PIGV: variants seen among roughly 807,000 people sequenced by gnomAD.
PIGV encodes the protein phosphatidylinositol glycan anchor biosynthesis class V, also known as GPI alpha-1,6-mannosyltransferase 2.
In PIGV, 27 loss-of-function variants were observed where a neutral mutation model predicts 39.2. The ratio of observed to expected loss-of-function variants is 0.69; its 90% CI spans 0.51 to 0.95. The LOEUF is 0.95. PIGV is among the 40% of genes least tolerant of loss of function. The probability of loss-of-function intolerance (pLI) is 0.00; values close to 1 mark genes in which losing one functional copy is unlikely to be tolerated. For missense variants in PIGV, 523 were observed against 586.4 expected (o/e 0.89, Z 1.12); for synonymous variants, 232 against 241.7 (o/e 0.96, Z 0.37).
At chr1:26,787,078 G>A (rs759554155), upstream of PIGV, among the ~76,000 whole-genome samples, 2 of 152,152 alleles carry the variant, frequency 1.3e-5, no homozygotes, top group Non-Finnish European at 2.9e-5. Flanking sequence ...CCGGCCCCTG[G>A]CTTCGTTTGG....
chr1:26,796,057 A>G (rs996730761), intron 3 of PIGV, among the ~76,000 whole-genome samples: 1 of 150,750 alleles, frequency 6.6e-6, no homozygotes, highest in African/African-American at 2.4e-5. Context: ...ATGGGGTTTC[A>G]CCACGTTGGC....
intron 3 of PIGV, among the ~76,000 whole-genome samples, chr1:26,797,177 A>G (rs967612640): frequency 1.7e-4 from 26 of 152,130 alleles, no homozygotes; most frequent in African/African-American, 6.3e-4. Flanking sequence ...TCTTCTGCCC[A>G]TTTCCCTCTG....
At chr1:26,790,719 T>C in intron 1 of PIGV, 40 bp from the exon 2 acceptor site, 1 of 968,108 alleles carries the variant, frequency 1.0e-6, no homozygotes, top group Non-Finnish European at 1.7e-6. Context: ...AAGAATTTGC[T>C]TTCACTCGAT....
chr1:26,797,206 T>C (rs1309994065), intron 3 of PIGV, among the ~76,000 whole-genome samples: 4 of 152,202 alleles, frequency 2.6e-5, no homozygotes, highest in African/African-American at 9.6e-5. Context: ...TCCCATGGGA[T>C]AAGGGAACCA....
At position 26,790,855 on chromosome 1, in the gene PIGV, T is replaced by C. The variant is rs1029026239; in HGVS notation, c.40T>C (p.Phe14Leu). The C allele has an allele frequency of 2.5e-6, 4 of 1,613,972 alleles. No homozygotes were observed. Among genetic ancestry groups the C allele is most frequent in the Non-Finnish European group, 3.4e-6 (4 of 1,179,998 alleles). The change falls in exon 2 of 4, where the codon TTT becomes CTT. Residue 14 changes from phenylalanine to leucine, a missense_variant. Transcript: ENST00000674202. ...CCCATCCCGGAAGGAGGTGCTGAGG[T>C]TTGCAGTCAGCTGCCGTATCCTGAC... Reference protein sequence around the residue: ...QDPSRKEVLRFAVSCRILTLM... With the variant: ...QDPSRKEVLRLAVSCRILTLM...
At chr1:26,792,129 G>A (rs765497285) in intron 2 of PIGV, among the ~76,000 whole-genome samples, 7 of 152,106 alleles carry the variant, frequency 4.6e-5, no homozygotes, top group African/African-American at 1.7e-4. Flanking sequence ...TTTCTCTTAA[G>A]TAGCTGATGA....
Position 26,794,267 on chromosome 1 carries a change from G to C in PIGV, c.233G>C (p.Gly78Ala). Reference protein sequence around the residue: ...AEHFLFIAEHGYLYEHNFAFF... With the variant: ...AEHFLFIAEHAYLYEHNFAFF... ...CACTTCTTGTTCATTGCTGAGCATGGCTACCTGTATGAGCACAACTTTGCC... is the reference window on the plus strand; with the variant it reads ...CACTTCTTGTTCATTGCTGAGCATGCCTACCTGTATGAGCACAACTTTGCC... Residue 78 changes from glycine (G) to alanine (A), a missense_variant, in exon 3 of 4, where the codon GGC (glycine) becomes GCC (alanine). Physicochemically the swap from Gly to Ala is moderately conservative, Grantham distance 60. Coordinates refer to ENST00000674202, the MANE Select transcript of PIGV (RefSeq NM_017837.4). 6.2e-7 allele frequency: 1 copy of C among 1,614,210 alleles called. No individual in the cohort carries two copies. Among genetic ancestry groups the C allele is most frequent in the Non-Finnish European group, 8.5e-7 (1 of 1,180,046 alleles).
chr1:26,793,811 G>A (rs1313691136), intron 2 of PIGV, among the ~76,000 whole-genome samples: 1 of 152,038 alleles, frequency 6.6e-6, no homozygotes, highest in Non-Finnish European at 1.5e-5. Flanking sequence ...GTCTTGCTAC[G>A]TTGCCCAGGC....
chr1:26,794,769 G>A lies in PIGV; in HGVS notation c.735G>A (p.Val245=), dbSNP rs762221948. 48 of 1,614,022 alleles carry A rather than the reference G, an allele frequency of 3.0e-5. 1 individual carries two copies. The Middle Eastern group carries it at 2.8e-3, about 94-fold the overall frequency. Residue 245 remains valine (V), a synonymous_variant, in exon 3 of 4, where the codon GTG becomes GTA. Transcript: ENST00000674202. ...TGATGGCCTCTCTGTTTCTGTCGGT[G>A]TTCACACTTGGCCTTCCCTTTGCCC... The part of the protein sequence containing the change: ...FKLMASLFLS[V]FTLGLPFALF...
rs1193245812 is a variant in PIGV at position 26,797,935 on chromosome 1, A to C, written c.*91A>C. 5 of 1,050,682 alleles carry C rather than the reference A, an allele frequency of 4.8e-6. No individual in the cohort carries two copies. In the East Asian group the frequency reaches 1.2e-4, roughly 25 times the overall value. 65.1% of individuals were successfully genotyped at this position (1,050,682 alleles called of 1,614,324 possible). On this transcript the variant is annotated 3_prime_UTR_variant, in exon 4 of 4. Coordinates refer to ENST00000674202, the MANE Select transcript of PIGV (RefSeq NM_017837.4). ...TTGGAACTGCCTCTGCTGCCCTGGG[A>C]TCATTACTGTGTCCATTATAATCTT...
chr1:26,795,016 T>A lies in PIGV; in HGVS notation c.982T>A (p.Phe328Ile). The A allele has an allele frequency of 3.7e-6, 6 of 1,614,182 alleles. No homozygotes were observed. Among genetic ancestry groups the A allele is most frequent in the Non-Finnish European group, 4.2e-6 (5 of 1,180,032 alleles). ...CTATGAGCTCAAGCAGGTGCCCAAT[T>A]TTCTACTGGCTGCACCAGTGGCTAT... ...KYYELKQVPN[F>I]LLAAPVAILV... Residue 328 changes from phenylalanine (F) to isoleucine (I), a missense_variant, in exon 3 of 4, where the codon TTT (phenylalanine) becomes ATT (isoleucine). Phe to Ile is a conservative substitution (Grantham distance 21). Coordinates refer to ENST00000674202, the MANE Select transcript of PIGV (RefSeq NM_017837.4).
At chr1:26,793,908 C>A (rs1372683522) in intron 2 of PIGV, among the ~76,000 whole-genome samples, 1 of 148,510 alleles carries the variant, frequency 6.7e-6, no homozygotes, top group Non-Finnish European at 1.5e-5. Context: ...TGTGCTCAGA[C>A]TTTTTTTTTT....
rs1343172835 is a variant in PIGV at position 26,795,134 on chromosome 1, T to C, written c.1100T>C (p.Leu367Pro). 4 of 1,614,104 alleles carry C rather than the reference T, an allele frequency of 2.5e-6. No individual in the cohort carries two copies. In the South Asian group the frequency reaches 3.3e-5, roughly 13 times the overall value. ...GLQRSKNNKT[L>P]EKPDLGFLSP... ...CAAAGGAGCAAGAACAATAAGACCC[T>C]AGAGAAGCCCGATCTTGGATTCCTC... is the stretch of plus-strand genomic sequence containing the variant. The change falls in exon 3 of 4, where the codon CTA becomes CCA. Residue 367 changes from leucine (L) to proline (P), a missense_variant. Leu to Pro is a moderately conservative substitution (Grantham distance 98). Coordinates refer to ENST00000674202, the MANE Select transcript of PIGV (RefSeq NM_017837.4).
Position 26,794,257 on chromosome 1 carries a change from G to A in PIGV, c.223G>A (p.Ala75Thr), listed in dbSNP as rs760514806. Reference protein sequence around the residue: ...HWDAEHFLFIAEHGYLYEHNF... With the variant: ...HWDAEHFLFITEHGYLYEHNF... ...GGATGCTGAACACTTCTTGTTCATT[G>A]CTGAGCATGGCTACCTGTATGAGCA... is the stretch of plus-strand genomic sequence containing the variant. The change falls in exon 3 of 4, where the codon GCT becomes ACT. Residue 75 changes from alanine (A) to threonine (T), a missense_variant. Physicochemically the swap from Ala to Thr is moderately conservative, Grantham distance 58 (BLOSUM62 0). Transcript: ENST00000674202. 3.3e-5 allele frequency: 53 copies of A among 1,614,078 alleles called. No homozygotes were observed. Among genetic ancestry groups the A allele is most frequent in the Non-Finnish European group, 4.2e-5 (50 of 1,180,044 alleles).
rs755907769 is a variant in PIGV, at chr1:26,797,958, C to A, written c.*114C>A. 8.1e-5 allele frequency: 74 copies of A among 917,952 alleles called. No homozygotes were observed. The highest frequency in any genetic ancestry group is 5.8e-4 in the Middle Eastern group (2 of 3,466). 56.9% of individuals were successfully genotyped at this position (917,952 alleles called of 1,614,324 possible). A position where few individuals can be genotyped will look rare whatever the true frequency, so the allele number is the denominator to read the frequency against. On this transcript the variant is annotated 3_prime_UTR_variant, in exon 4 of 4. Transcript: ENST00000674202. Reference sequence around the variant, plus strand: ...GGATCATTACTGTGTCCATTATAATCTTTCTCTTTCTCTTTGAAAGCTGGT... The same window carrying A: ...GGATCATTACTGTGTCCATTATAATATTTCTCTTTCTCTTTGAAAGCTGGT...
chr1:26,797,816 T>C lies in PIGV; in HGVS notation c.1454T>C (p.Leu485Pro). 1.9e-6 allele frequency: 3 copies of C among 1,614,134 alleles called. No homozygotes were observed. The highest frequency in any genetic ancestry group is 2.5e-6 in the Non-Finnish European group (3 of 1,180,028). Residue 485 changes from leucine to proline, a missense_variant, in exon 4 of 4, where the codon CTA becomes CCA. Transcript: ENST00000674202. Reference protein sequence around the residue: ...FLTYWLLGLLLHCNFLPWT With the variant: ...FLTYWLLGLLPHCNFLPWT ...ACTTACTGGCTCCTGGGACTACTCC[T>C]ACATTGCAACTTCCTGCCTTGGACA...
rs747001986 is a variant in PIGV, at chr1:26,794,707, C to G, written c.673C>G (p.Leu225Val). Reference protein sequence around the residue: ...HSQCQGFFSSLTMLNPLRQLF... With the variant: ...HSQCQGFFSSVTMLNPLRQLF... ...TCAATGCCAAGGCTTTTTCTCTTCT[C>G]TAACGATGCTGAATCCTCTGAGACA... Residue 225 changes from leucine (L) to valine (V), a missense_variant, in exon 3 of 4, where the codon CTA becomes GTA. Physicochemically the swap from Leu to Val is conservative, Grantham distance 32. Transcript: ENST00000674202. 6.2e-7 allele frequency: 1 copy of G among 1,614,216 alleles called. No individual in the cohort carries two copies. The highest frequency in any genetic ancestry group is 8.5e-7 in the Non-Finnish European group (1 of 1,180,044).
Position 26,798,831 on chromosome 1 carries a change from C to T in PIGV, c.*987C>T, listed in dbSNP as rs2081420350. ...AGGGTAAGAAGAAGGCATCAGGAAC[C>T]CTGGATTCTAGTCCTCTCAGTAAAA... On this transcript the variant is annotated 3_prime_UTR_variant, in exon 4 of 4. Coordinates refer to ENST00000674202, the MANE Select transcript of PIGV (RefSeq NM_017837.4). Among the ~76,000 whole-genome samples, 1 of 151,960 alleles carries T rather than the reference C, an allele frequency of 6.6e-6. No individual in the cohort carries two copies.
intron 1 of PIGV, 131 bp from the exon 2 acceptor site, chr1:26,790,628 C>T: frequency 1.6e-6 from 1 of 621,666 alleles, no homozygotes; most frequent in Non-Finnish European, 2.9e-6. Context: ...AAGATGCTTT[C>T]CCCTCATCTG....
Sources: gnomAD v4.1 joint callset for allele counts (sites outside exome capture counted in the v4.1 genomes callset) on GRCh38, gnomAD v4.1.1 for gene constraint, MANE v1.5 for transcripts, NCBI Gene and HGNC (gene_info 2026-07-23, HGNC 2026-07-21) for gene names.